The following EPHB2 variants were observed in gnomAD, a reference collection of about 807,000 sequenced individuals.
EPHB2 encodes EPH receptor B2.
EPHB2 carries 18 observed loss-of-function variants against 96.4 expected under a neutral mutation model. That is an observed-to-expected ratio of 0.19 (90% CI 0.13 to 0.28). The LOEUF (loss-of-function observed/expected upper bound fraction) is 0.28, where lower values mean the gene tolerates loss of function less well. Ranked by LOEUF, EPHB2 falls within the 10% of genes least tolerant of loss-of-function variation. The pLI is 1.00. For synonymous variants in EPHB2, 506 were observed against 534.1 expected (o/e 0.95, Z 0.72); for missense variants, 989 against 1,355.4 (o/e 0.73, Z 4.25).
At chr1:22,911,154 A>ATAAATAAATAAG (rs1640089760) in intron 14 of EPHB2, among the ~76,000 whole-genome samples, 1 of 144,148 alleles carries the variant, frequency 6.9e-6, no homozygotes, top group African/African-American at 2.9e-5. Flanking sequence ...AAATAAATAA[A>ATAAATAAATAAG]TAAATAAATA....
At chr1:22,719,114 T>G (rs1392072216) in intron 1 of EPHB2, among the ~76,000 whole-genome samples, 3 of 152,186 alleles carry the variant, frequency 2.0e-5, no homozygotes, top group Admixed American at 2.0e-4. Flanking sequence ...TGTTAACTCA[T>G]TATGTTGTAA....
intron 3 of EPHB2, among the ~76,000 whole-genome samples, chr1:22,861,499 A>G (rs1638258934): frequency 6.6e-6 from 1 of 152,150 alleles, no homozygotes; most frequent in Non-Finnish European, 1.5e-5. Context: ...AAAATTAATA[A>G]CAACAACAAA....
At chr1:22,781,252 G>A (rs956765134) in intron 1 of EPHB2, among the ~76,000 whole-genome samples, 169 bp from the exon 2 acceptor site, 17 of 149,434 alleles carry the variant, frequency 1.1e-4, no homozygotes, top group African/African-American at 3.7e-4. Context: ...CGTGGGAGGC[G>A]GAGCTTGCAG....
At chr1:22,905,530 C>G (rs547810404) in intron 9 of EPHB2, among the ~76,000 whole-genome samples, 37 of 152,114 alleles carry the variant, frequency 2.4e-4, no homozygotes, top group Non-Finnish European at 2.5e-4. Context: ...TAGCAGAACC[C>G]CAAAGACAAC....
chr1:22,717,576 G>A (rs1420697389), intron 1 of EPHB2, among the ~76,000 whole-genome samples: 2 of 152,138 alleles, frequency 1.3e-5, no homozygotes, highest in Non-Finnish European at 2.9e-5. Flanking sequence ...TCCTCATCTG[G>A]AAACTGGAGA....
chr1:22,875,680 A>G lies in EPHB2; in HGVS notation c.1304-6679A>G, dbSNP rs1452681472. ...CTGTCTTCGTTTCTTCCTCCAGTAA[A>G]TATTGGTCATGCACCTACTCCAAGC... On this transcript the variant is annotated intron_variant, in intron 5 of 15. Coordinates refer to ENST00000374630, the MANE Select transcript of EPHB2 (RefSeq NM_017449.5). The surrounding 1 kb of genome is among the most constrained non-coding windows in gnomAD (Gnocchi z 4.2). Among the ~76,000 whole-genome samples, 1 of 152,106 alleles carries G rather than the reference A, an allele frequency of 6.6e-6. No homozygotes were observed. Among genetic ancestry groups the G allele is most frequent in the Non-Finnish European group, 1.5e-5 (1 of 68,034 alleles).
At chr1:22,793,426 G>A (rs568654522) in intron 3 of EPHB2, among the ~76,000 whole-genome samples, 2 of 152,296 alleles carry the variant, frequency 1.3e-5, no homozygotes, top group South Asian at 4.1e-4. Context: ...TGGAGGAGGA[G>A]CCATTTTCCC....
At chr1:22,903,943 G>A (rs1013364394) in intron 9 of EPHB2, among the ~76,000 whole-genome samples, 7 of 152,192 alleles carry the variant, frequency 4.6e-5, no homozygotes, top group Non-Finnish European at 1.0e-4. Context: ...TCTGCTGAAA[G>A]TTTTGGAGCC....
chr1:22,837,988 A>G (rs1344318812), intron 3 of EPHB2, among the ~76,000 whole-genome samples: 1 of 152,180 alleles, frequency 6.6e-6, no homozygotes, highest in East Asian at 1.9e-4. Context: ...CTTGGCTCCT[A>G]TTTCATCCCT....
At chr1:22,783,475 C>T (rs973650262) in intron 2 of EPHB2, among the ~76,000 whole-genome samples, 5 of 152,202 alleles carry the variant, frequency 3.3e-5, no homozygotes, top group Non-Finnish European at 7.3e-5. Context: ...ACTGGGCACT[C>T]ACGCAGGGAG....
At chr1:22,884,974 G>A (rs1488803876) in intron 6 of EPHB2, among the ~76,000 whole-genome samples, 1 of 152,104 alleles carries the variant, frequency 6.6e-6, no homozygotes, top group African/African-American at 2.4e-5. Flanking sequence ...CATGATCTCT[G>A]CTGTGTCCCC....
At chr1:22,764,190 G>C (rs1644274670) in intron 1 of EPHB2, among the ~76,000 whole-genome samples, 1 of 152,054 alleles carries the variant, frequency 6.6e-6, no homozygotes, top group African/African-American at 2.4e-5. Context: ...CTGGCCCGAG[G>C]GTGCTGGCTG....
intron 1 of EPHB2, among the ~76,000 whole-genome samples, chr1:22,716,030 T>TC (rs1408210265): frequency 6.6e-6 from 1 of 152,136 alleles, no homozygotes; most frequent in Non-Finnish European, 1.5e-5. Flanking sequence ...AGATCAGCCT[T>TC]CAGTGTCTCC....
At chr1:22,729,788 A>G (rs937880569) in intron 1 of EPHB2, among the ~76,000 whole-genome samples, 1 of 152,240 alleles carries the variant, frequency 6.6e-6, no homozygotes, top group Non-Finnish European at 1.5e-5. Context: ...CTCTCCTACC[A>G]GACCGTCAAC....
intron 1 of EPHB2, among the ~76,000 whole-genome samples, chr1:22,778,015 T>C (rs1644476528): frequency 6.6e-6 from 1 of 152,002 alleles, no homozygotes; most frequent in African/African-American, 2.4e-5. Context: ...CGTTTGTTTG[T>C]TTGTTTGTTT....
chr1:22,788,766 T>A (rs1204540309), intron 3 of EPHB2, among the ~76,000 whole-genome samples: 1 of 151,190 alleles, frequency 6.6e-6, no homozygotes, highest in East Asian at 1.9e-4. Context: ...TTTTTTTTTT[T>A]TTTTTTGTGA....
intron 3 of EPHB2, among the ~76,000 whole-genome samples, chr1:22,801,510 G>T (rs895146477): frequency 2.0e-5 from 3 of 151,648 alleles, no homozygotes; most frequent in Non-Finnish European, 2.9e-5. Flanking sequence ...GCCAGGATTG[G>T]GACCCAGGTC....
chr1:22,889,359 A>G (rs961193091), intron 6 of EPHB2, among the ~76,000 whole-genome samples: 2 of 152,212 alleles, frequency 1.3e-5, no homozygotes, highest in African/African-American at 4.8e-5. Flanking sequence ...CCCAGTTTAC[A>G]GAATCTAACC....
rs1418205508 is a variant in EPHB2, at chr1:22,916,556, G to A, written c.*2986G>A. 1 of 134,056 alleles carries A rather than the reference G, an allele frequency of 7.5e-6. No homozygotes were observed. The highest frequency in any genetic ancestry group is 3.0e-5 in the African/African-American group (1 of 33,538). 8.3% of individuals were successfully genotyped at this position (134,056 alleles called of 1,614,324 possible). The stretch of plus-strand genomic sequence containing the variant: ...GTCGCCCCGCCCCAACCTCTTGCTT[G>A]CTGCTCAGCGGGGAGTGGCAGGCCA... On this transcript the variant is annotated 3_prime_UTR_variant, in exon 16 of 16. Coordinates refer to ENST00000374630, the MANE Select transcript of EPHB2 (RefSeq NM_017449.5). This position sits in a 1 kb window ranked among gnomAD's most constrained non-coding sequence, Gnocchi z 4.2.
Sources: allele counts gnomAD v4.1 joint callset (sites outside exome capture counted in the v4.1 genomes callset), GRCh38; gene constraint gnomAD v4.1.1; non-coding constraint Gnocchi (gnomAD v3.1); transcripts MANE v1.5; gene names NCBI Gene and HGNC (gene_info 2026-07-23, HGNC 2026-07-21).